Variants in ILDR1 observed in about 807,000 individuals in gnomAD.
The protein encoded by ILDR1 is immunoglobulin-like domain-containing receptor 1.
ILDR1 carries 56 observed loss-of-function variants against 62.4 expected under a neutral mutation model. The ratio of observed to expected loss-of-function variants is 0.90; its 90% CI spans 0.72 to 1.12. ILDR1 has a LOEUF of 1.12. Ranked by LOEUF, ILDR1 falls within the 50% of genes most tolerant of loss-of-function variation. The pLI is 0.00. For synonymous variants in ILDR1, 284 were observed against 277.8 expected, an observed-to-expected ratio of 1.02 and a Z score of -0.22; for missense variants, 736 against 710.6, an observed-to-expected ratio of 1.04 and a Z score of -0.41.
At chr3:122,050,513 A>C in the ILDR1 span, among the ~76,000 whole-genome samples, 1 of 151,564 alleles carries the variant, frequency 6.6e-6, no homozygotes, top group Non-Finnish European at 1.5e-5. Context: ...TAAAACTTAA[A>C]TTCAGCTTCA....
At chr3:122,021,606 C>A (rs909722236) in intron 1 of ILDR1, among the ~76,000 whole-genome samples, 3 of 152,186 alleles carry the variant, frequency 2.0e-5, no homozygotes, top group African/African-American at 7.2e-5. Flanking sequence ...ACTGAGGACA[C>A]ATTATAACCT....
chr3:122,000,900 G>C (rs573276967), intron 5 of ILDR1, among the ~76,000 whole-genome samples: 5 of 152,278 alleles, frequency 3.3e-5, no homozygotes, highest in African/African-American at 1.2e-4. Flanking sequence ...TGGCATGTGA[G>C]AATAGGAAAA....
the ILDR1 span, among the ~76,000 whole-genome samples, chr3:122,050,289 A>G: frequency 6.6e-6 from 1 of 152,150 alleles, no homozygotes; most frequent in Non-Finnish European, 1.5e-5. Context: ...AGGGGTTACT[A>G]TCAACATTTT....
intron 5 of ILDR1, among the ~76,000 whole-genome samples, chr3:122,000,801 T>C (rs2071511461): frequency 6.6e-6 from 1 of 152,302 alleles, no homozygotes; most frequent in Non-Finnish European, 1.5e-5. Flanking sequence ...AGAATTGAGT[T>C]AAATTATAGG....
At chr3:122,022,248 G>C (rs1044628846), upstream of ILDR1, 43 of 560,378 alleles carry the variant, frequency 7.7e-5, no homozygotes, top group Non-Finnish European at 1.2e-4. Context: ...GGTGCCGCCC[G>C]GCTCGTCCCC....
intron 5 of ILDR1, 74 bp from the exon 6 acceptor site, chr3:121,994,387 C>T: frequency 6.9e-7 from 1 of 1,458,778 alleles, no homozygotes; most frequent in Non-Finnish European, 9.0e-7. Flanking sequence ...CTTCTTTCCA[C>T]CTAGGGGCCT....
the ILDR1 span, among the ~76,000 whole-genome samples, chr3:122,034,565 A>C: frequency 6.6e-6 from 1 of 152,182 alleles, no homozygotes; most frequent in South Asian, 2.1e-4. Context: ...AACTTTAATA[A>C]ATTTTTAAAT....
At chr3:122,044,717 A>G in the ILDR1 span, among the ~76,000 whole-genome samples, 3 of 151,558 alleles carry the variant, frequency 2.0e-5, no homozygotes, top group South Asian at 2.1e-4. Context: ...AGGTGTTTGT[A>G]GTATTCTCTG....
At chr3:122,018,894 G>A (rs903539436) in intron 1 of ILDR1, among the ~76,000 whole-genome samples, 19 of 152,118 alleles carry the variant, frequency 1.2e-4, no homozygotes, top group African/African-American at 3.9e-4. Context: ...TTAAGTCTAC[G>A]GTATGGTCCA....
the ILDR1 span, among the ~76,000 whole-genome samples, chr3:122,055,155 C>G: frequency 6.6e-6 from 1 of 152,016 alleles, no homozygotes; most frequent in African/African-American, 2.4e-5. Context: ...GAGGGAATTT[C>G]AAGAGGGGAG....
chr3:122,048,400 C>T, the ILDR1 span, among the ~76,000 whole-genome samples: 2 of 152,026 alleles, frequency 1.3e-5, no homozygotes, highest in African/African-American at 4.8e-5. Flanking sequence ...CTTGTAGTGT[C>T]TTTTTCTGGC....
the ILDR1 span, among the ~76,000 whole-genome samples, chr3:122,059,492 C>T: frequency 6.7e-6 from 1 of 149,280 alleles, no homozygotes; most frequent in East Asian, 2.0e-4. Flanking sequence ...GCTGAGATAG[C>T]ACCACGGCAC....
chr3:122,043,377 T>C, the ILDR1 span, among the ~76,000 whole-genome samples: 29 of 142,416 alleles, frequency 2.0e-4, no homozygotes, highest in African/African-American at 7.6e-4. Context: ...TCTTTTGGCT[T>C]AGGATTGACT....
intron 1 of ILDR1, among the ~76,000 whole-genome samples, chr3:122,009,845 G>A (rs2071678013): frequency 6.6e-6 from 1 of 152,214 alleles, no homozygotes; most frequent in Non-Finnish European, 1.5e-5. Context: ...ATAGGCACCT[G>A]CATCTGGGTT....
At chr3:121,997,702 T>C (rs1056536790) in intron 5 of ILDR1, among the ~76,000 whole-genome samples, 5 of 152,080 alleles carry the variant, frequency 3.3e-5, no homozygotes, top group Middle Eastern at 3.4e-3. Flanking sequence ...GATCAGAGAG[T>C]CTCACTGTGG....
chr3:122,029,970 G>T, the ILDR1 span, among the ~76,000 whole-genome samples: 3 of 151,952 alleles, frequency 2.0e-5, no homozygotes, highest in African/African-American at 7.3e-5. Context: ...GAGGGGAGAA[G>T]AATCCAGGTT....
chr3:121,989,266 A>G (rs1361299635), intron 7 of ILDR1, among the ~76,000 whole-genome samples: 2 of 152,246 alleles, frequency 1.3e-5, no homozygotes, highest in Non-Finnish European at 2.9e-5. Flanking sequence ...GTTCTCTGAC[A>G]TAACGGAAAA....
At chr3:122,020,443 T>C (rs1422700855) in intron 1 of ILDR1, among the ~76,000 whole-genome samples, 1 of 152,212 alleles carries the variant, frequency 6.6e-6, no homozygotes. Flanking sequence ...TCTGCTAAAA[T>C]AGCTATTTCC....
the ILDR1 span, among the ~76,000 whole-genome samples, chr3:122,051,011 A>G: frequency 0.085 from 12,969 of 152,200 alleles, 599 homozygotes; most frequent in African/African-American, 0.098. Flanking sequence ...TGCTAATCTT[A>G]TAGGAGTGTC....
Sources: gnomAD v4.1 joint callset for allele counts (sites outside exome capture counted in the v4.1 genomes callset) on GRCh38, gnomAD v4.1.1 for gene constraint, MANE v1.5 for transcripts, NCBI Gene and HGNC (gene_info 2026-07-23, HGNC 2026-07-21) for gene names.